Variants in CNNM2 observed in about 807,000 individuals in gnomAD.
CNNM2 encodes cyclin and CBS domain divalent metal cation transport mediator 2.
A neutral mutation model predicts 66.9 loss-of-function variants in CNNM2; 12 were observed. The observed-to-expected ratio is 0.18, with a 90% CI of 0.11 to 0.29. The LOEUF (loss-of-function observed/expected upper bound fraction) is 0.29. Among genes scored for constraint, CNNM2 ranks in the 10% least tolerant of loss-of-function variants. The pLI is 1.00. For synonymous variants in CNNM2, 557 were observed against 501.8 expected (o/e 1.11, Z -1.47); for missense variants, 705 against 1,167.7 (o/e 0.60, Z 5.77).
chr10:103,011,326 G>A (rs2064338539), intron 1 of CNNM2, among the ~76,000 whole-genome samples: 2 of 152,082 alleles, frequency 1.3e-5, no homozygotes, highest in Admixed American at 1.3e-4. Flanking sequence ...GGTGGTGCGT[G>A]CCTGTAATCC....
chr10:103,025,421 C>T (rs2064682767), intron 1 of CNNM2, among the ~76,000 whole-genome samples: 1 of 152,240 alleles, frequency 6.6e-6, no homozygotes, highest in Non-Finnish European at 1.5e-5. Flanking sequence ...AAGCTTTCTT[C>T]TTTGGGATTA....
intron 1 of CNNM2, among the ~76,000 whole-genome samples, chr10:103,040,034 G>C (rs1018262373): frequency 1.3e-5 from 2 of 152,048 alleles, no homozygotes; most frequent in Admixed American, 6.6e-5. Flanking sequence ...AGGCATGGTG[G>C]TGCATGCCTG....
chr10:102,962,471 T>A (rs1400678532), intron 1 of CNNM2, among the ~76,000 whole-genome samples: 1 of 152,204 alleles, frequency 6.6e-6, no homozygotes, highest in Non-Finnish European at 1.5e-5. Context: ...ATACTCCTAG[T>A]AGTCAACTTT....
Position 103,077,270 on chromosome 10 carries a change from T to C in CNNM2, c.*90T>C. The C allele has an allele frequency of 8.4e-7, 1 of 1,188,410 alleles. No individual in the cohort carries two copies. The highest frequency in any genetic ancestry group is 1.3e-5 in the South Asian group (1 of 75,268). The allele number at this position is 1,188,410 out of a possible 1,614,324, so 73.6% of individuals were successfully genotyped here. A position where few individuals can be genotyped will look rare whatever the true frequency, so the allele number is the denominator to read the frequency against. On this transcript the variant is annotated 3_prime_UTR_variant, in exon 8 of 8. Coordinates refer to ENST00000369878, the MANE Select transcript of CNNM2 (RefSeq NM_017649.5). ...CCATGACTTCACTGGTGTGAGCTTG[T>C]CCGCCATGCTGTACCCTGCAACATC... is the stretch of plus-strand genomic sequence containing the variant.
intron 1 of CNNM2, among the ~76,000 whole-genome samples, chr10:103,041,322 A>G (rs1454016200): frequency 1.3e-5 from 2 of 152,166 alleles, no homozygotes; most frequent in Non-Finnish European, 2.9e-5. Context: ...GTGTGTACCT[A>G]TTCATTCATT....
chr10:103,074,364 T>G (rs1298381155), intron 6 of CNNM2, among the ~76,000 whole-genome samples: 1 of 152,182 alleles, frequency 6.6e-6, no homozygotes, highest in African/African-American at 2.4e-5. Context: ...TTAGCAAAAT[T>G]GGGTCACCTA....
intron 2 of CNNM2, among the ~76,000 whole-genome samples, chr10:103,050,668 CG>C (rs989288171): frequency 1.5e-4 from 22 of 151,710 alleles, no homozygotes; most frequent in Admixed American, 9.2e-4. Flanking sequence ...GGCAGTGGGT[CG>C]GGGGTGTGGG....
At chr10:102,965,055 A>G (rs550278567) in intron 1 of CNNM2, among the ~76,000 whole-genome samples, 1 of 152,258 alleles carries the variant, frequency 6.6e-6, no homozygotes, top group East Asian at 1.9e-4. Context: ...CGTGCCCCTC[A>G]CCAGACACTC....
chr10:103,040,391 G>T (rs116896090), intron 1 of CNNM2, among the ~76,000 whole-genome samples: 6 of 151,958 alleles, frequency 3.9e-5, no homozygotes, highest in African/African-American at 1.5e-4. Flanking sequence ...AAGTCTGGGC[G>T]GATGAAGCTT....
In CNNM2 at chr10:102,919,971, C is replaced by G; in HGVS notation, c.1491C>G (p.Val497=). Residue 497 remains valine, a synonymous_variant, in exon 1 of 8, where the codon GTC becomes GTG. Coordinates refer to ENST00000369878, the MANE Select transcript of CNNM2 (RefSeq NM_017649.5). The stretch of plus-strand genomic sequence containing the variant: ...CCAATATCGTGGACCTGCTGTTTGT[C>G]AAAGACTTGGCCTTCGTGGATCCCG... ...ERSNIVDLLF[V]KDLAFVDPDD... 2.5e-6 allele frequency: 4 copies of G among 1,614,248 alleles called. No homozygotes were observed. The highest frequency in any genetic ancestry group is 3.4e-6 in the Non-Finnish European group (4 of 1,180,036).
rs11191492 is a variant in CNNM2, at chr10:102,987,777, A to G, written c.1622-61930A>G. On this transcript the variant is annotated intron_variant, in intron 1 of 7. Coordinates refer to ENST00000369878, the MANE Select transcript of CNNM2 (RefSeq NM_017649.5). The stretch of plus-strand genomic sequence containing the variant: ...CTCTAACAAAAATAAAACACCCTAC[A>G]TCTTTGGTTCAAGATTGTCACCCCC... 0.14 allele frequency among the ~76,000 whole-genome samples: 21,141 copies of G among 152,128 alleles called. 1,647 individuals are homozygous for G. The highest frequency in any genetic ancestry group is 0.19 in the East Asian group (991 of 5,172).
chr10:103,007,101 G>A (rs2064243786), intron 1 of CNNM2, among the ~76,000 whole-genome samples: 1 of 152,148 alleles, frequency 6.6e-6, no homozygotes, highest in South Asian at 2.1e-4. Context: ...GGCCTCTGGA[G>A]GTGACATCAC....
At chr10:103,062,997 T>C (rs2065414415) in intron 4 of CNNM2, among the ~76,000 whole-genome samples, 2 of 152,298 alleles carry the variant, frequency 1.3e-5, no homozygotes, top group East Asian at 1.9e-4. Flanking sequence ...AAGCTCCCAG[T>C]TGACAGTAGC....
chr10:103,041,129 T>C (rs1347131780), intron 1 of CNNM2, among the ~76,000 whole-genome samples: 1 of 152,086 alleles, frequency 6.6e-6, no homozygotes, highest in Non-Finnish European at 1.5e-5. Context: ...TGAACCTACT[T>C]AGCCCCTCCT....
intron 1 of CNNM2, among the ~76,000 whole-genome samples, chr10:103,025,381 G>A (rs1361298299): frequency 5.3e-5 from 8 of 152,272 alleles, no homozygotes; most frequent in African/African-American, 1.2e-4. Flanking sequence ...GAGCCACCAC[G>A]CCCAGCCAAG....
chr10:102,943,098 TC>T (rs1846485770), intron 1 of CNNM2, among the ~76,000 whole-genome samples: 1 of 151,862 alleles, frequency 6.6e-6, no homozygotes. Flanking sequence ...GGTGGCACAC[TC>T]CTGTAATCCC....
At chr10:103,026,280 T>C (rs142572255) in intron 1 of CNNM2, among the ~76,000 whole-genome samples, 3 of 152,300 alleles carry the variant, frequency 2.0e-5, no homozygotes, top group East Asian at 3.9e-4. Context: ...AATTACATAA[T>C]TGCAGCATCA....
At chr10:103,076,893 G>A in intron 7 of CNNM2, 78 bp from the exon 8 acceptor site, 1 of 1,307,212 alleles carries the variant, frequency 7.6e-7, no homozygotes, top group Non-Finnish European at 1.1e-6. Context: ...GGCCTGTCGG[G>A]ATTGAACGTG....
At chr10:103,011,270 T>C (rs1185251800) in intron 1 of CNNM2, among the ~76,000 whole-genome samples, 1 of 151,960 alleles carries the variant, frequency 6.6e-6, no homozygotes. Flanking sequence ...TTGACCAACA[T>C]GATGAAACCC....
Sources: gnomAD v4.1 joint callset for allele counts (sites outside exome capture counted in the v4.1 genomes callset) on GRCh38, gnomAD v4.1.1 for gene constraint, MANE v1.5 for transcripts, NCBI Gene and HGNC (gene_info 2026-07-23, HGNC 2026-07-21) for gene names.